The following PALM variants were observed in gnomAD, a reference collection of about 807,000 sequenced individuals.
The protein encoded by PALM is paralemmin-1.
PALM carries 18 observed loss-of-function variants against 30.7 expected under a neutral mutation model. The observed-to-expected ratio is 0.59, with a 90% CI of 0.41 to 0.87. The LOEUF is 0.87. Among genes scored for constraint, PALM ranks in the 40% least tolerant of loss-of-function variants. The pLI is 0.00. For synonymous variants in PALM, 286 were observed against 242.8 expected (o/e 1.18, Z -1.66); for missense variants, 529 against 555.4 (o/e 0.95, Z 0.48).
At chr19:715,537 C>T (rs1355626316) in intron 1 of PALM, among the ~76,000 whole-genome samples, 1 of 152,156 alleles carries the variant, frequency 6.6e-6, no homozygotes, top group Admixed American at 6.6e-5. Flanking sequence ...GAAGGATGCA[C>T]CTTGTGGAAG....
At chr19:734,026 C>G in intron 5 of PALM, 147 bp from the exon 6 acceptor site, 1 of 671,532 alleles carries the variant, frequency 1.5e-6, no homozygotes, top group Non-Finnish European at 2.6e-6. Flanking sequence ...GTGTTTCTGG[C>G]CAGAGTCCCA....
intron 6 of PALM, among the ~76,000 whole-genome samples, chr19:735,794 TGTGTCCGG>T: frequency 7.3e-6 from 1 of 136,634 alleles, no homozygotes. Context: ...CCCAGGTGCC[TGTGTCCGG>T]GTGTCTGGGT....
intron 1 of PALM, among the ~76,000 whole-genome samples, chr19:720,100 A>G (rs963457791): frequency 2.0e-5 from 3 of 151,216 alleles, no homozygotes; most frequent in Non-Finnish European, 4.4e-5. Flanking sequence ...CGCGGGGGAG[A>G]AATTCCCGAC....
At chr19:740,299 G>A in intron 7 of PALM, 53 bp from the exon 8 acceptor site, 3 of 1,502,614 alleles carry the variant, frequency 2.0e-6, no homozygotes, top group Admixed American at 4.2e-5. Context: ...CAGCCCGGCG[G>A]GGGGGTGCGG....
intron 1 of PALM, 149 bp from the exon 2 acceptor site, chr19:725,989 C>G: frequency 1.5e-6 from 1 of 683,448 alleles, no homozygotes; most frequent in Non-Finnish European, 2.6e-6. Context: ...AGGGAGGGCC[C>G]CACTTTACAG....
At chr19:727,160 CAACCCT>C in intron 3 of PALM, 72 bp downstream of exon 3, 1 of 1,009,144 alleles carries the variant, frequency 9.9e-7, no homozygotes, top group Non-Finnish European at 1.5e-6. Flanking sequence ...GACTCCTGCC[CAACCCT>C]GACCCTGACC....
chr19:712,867 G>A (rs1247811598), intron 1 of PALM, among the ~76,000 whole-genome samples: 7 of 152,178 alleles, frequency 4.6e-5, no homozygotes, highest in Non-Finnish European at 8.8e-5. Flanking sequence ...GTAGAGACAA[G>A]GTTTCGCCAT....
In PALM at chr19:727,675, C is replaced by T; in HGVS notation, c.250C>T (p.Leu84=). 6.4e-7 allele frequency: 1 copy of T among 1,562,990 alleles called. No individual in the cohort carries two copies. The highest frequency in any genetic ancestry group is 1.9e-5 in the Admixed American group (1 of 52,072). The stretch of plus-strand genomic sequence containing the variant: ...GGACGACGAGCAGAAGACACGGCTG[C>T]TGGAGGACTCGGTGTCCAGGTGGGG... ...MQDDEQKTRL[L]EDSVSRLEKE... Residue 84 remains leucine, a synonymous_variant, in exon 4 of 9, where the codon CTG becomes TTG. Transcript: ENST00000338448.
At chr19:737,890 G>C (rs958158385) in intron 7 of PALM, among the ~76,000 whole-genome samples, 1 of 152,158 alleles carries the variant, frequency 6.6e-6, no homozygotes, top group African/African-American at 2.4e-5. Flanking sequence ...GAACCATGGG[G>C]GGCTGCAGGC....
rs144128156 is a variant in PALM at position 724,910 on chromosome 19, A to G, written c.6-1228A>G. Among the ~76,000 whole-genome samples, 342 of 151,188 alleles carry G rather than the reference A, an allele frequency of 2.3e-3. 2 individuals carry two copies. The highest frequency in any genetic ancestry group is 7.7e-3 in the African/African-American group (316 of 41,212). ...AAGTGCTAAAATTACAGGCGTGAGCAGCTGTGGTTTTGCTTTTGTTTTGTT... is the reference window on the plus strand; with the variant it reads ...AAGTGCTAAAATTACAGGCGTGAGCGGCTGTGGTTTTGCTTTTGTTTTGTT... On this transcript the variant is annotated intron_variant, in intron 1 of 8. Transcript: ENST00000338448.
intron 2 of PALM, among the ~76,000 whole-genome samples, chr19:726,794 T>C (rs2032676349): frequency 6.6e-6 from 1 of 152,226 alleles, no homozygotes; most frequent in Non-Finnish European, 1.5e-5. Context: ...TGAGCCACCG[T>C]GCCCGGCCAG....
In PALM at chr19:744,701, C is replaced by T. The variant is rs572004242; in HGVS notation, c.635-1584C>T. On this transcript the variant is annotated intron_variant, in intron 8 of 8. Transcript: ENST00000338448. ...CTGAGGTCAGGAGTTCAAGACCAGC[C>T]TGGCCAACGTGGTGAAACCCCATCT... Among the ~76,000 whole-genome samples, 6 of 152,066 alleles carry T rather than the reference C, an allele frequency of 3.9e-5. No homozygotes were observed. In the East Asian group the frequency reaches 1.2e-3, roughly 30 times the overall value.
Position 746,804 on chromosome 19 carries a change from C to A in PALM, c.1154C>A (p.Ser385Tyr). 6.5e-7 allele frequency: 1 copy of A among 1,542,030 alleles called. No homozygotes were observed. The highest frequency in any genetic ancestry group is 8.7e-7 in the Non-Finnish European group (1 of 1,148,472). Reference protein sequence around the residue: ...DMKKHRCKCCSIM With the variant: ...DMKKHRCKCCYIM ...AAGAAGCACCGTTGTAAATGCTGCTCCATCATGTGAGCCGGCCCCCGAGAC... is the reference window on the plus strand; with the variant it reads ...AAGAAGCACCGTTGTAAATGCTGCTACATCATGTGAGCCGGCCCCCGAGAC... Residue 385 changes from serine to tyrosine, a missense_variant, in exon 9 of 9, where the codon TCC becomes TAC. Physicochemically the swap from Ser to Tyr is moderately radical, Grantham distance 144. Transcript: ENST00000338448. This position sits in a 1 kb window ranked among gnomAD's most constrained non-coding sequence, Gnocchi z 7.1.
At chr19:736,201 G>A (rs896938715) in intron 7 of PALM, 123 bp downstream of exon 7, 74 of 691,174 alleles carry the variant, frequency 1.1e-4, no homozygotes, top group Admixed American at 1.5e-4. Flanking sequence ...TGACGGGGCC[G>A]TGGTTATGGG....
chr19:728,378 C>T (rs572296624), intron 4 of PALM, among the ~76,000 whole-genome samples: 279 of 152,342 alleles, frequency 1.8e-3, no homozygotes, highest in African/African-American at 6.2e-3. Context: ...CCGGATCACA[C>T]GGACCTCGCA....
In PALM at chr19:746,891, C is replaced by T. The variant is rs1488309630; in HGVS notation, c.*77C>T. 1 of 798,328 alleles carries T rather than the reference C, an allele frequency of 1.3e-6. No individual in the cohort carries two copies. The highest frequency in any genetic ancestry group is 1.9e-6 in the Non-Finnish European group (1 of 513,262). 49.5% of individuals were successfully genotyped at this position (798,328 alleles called of 1,614,324 possible). A position where few individuals can be genotyped will look rare whatever the true frequency, so the allele number is the denominator to read the frequency against. On this transcript the variant is annotated 3_prime_UTR_variant, in exon 9 of 9. Coordinates refer to ENST00000338448, the MANE Select transcript of PALM (RefSeq NM_002579.3). This position sits in a 1 kb window ranked among gnomAD's most constrained non-coding sequence, Gnocchi z 7.1. The stretch of plus-strand genomic sequence containing the variant: ...CCGGCCCCTCCCGGCGCCTGCCCAC[C>T]CTCCACCCACAGCCTCACGGGTCCA...
At chr19:720,626 G>C (rs1306712018) in intron 1 of PALM, among the ~76,000 whole-genome samples, 1 of 142,414 alleles carries the variant, frequency 7.0e-6, no homozygotes, top group Non-Finnish European at 1.5e-5. Flanking sequence ...GGCGAGGGGG[G>C]CGCCCGTGAC....
rs1300157974 is a variant in PALM, at chr19:736,419, C to G, written c.502+341C>G. On this transcript the variant is annotated intron_variant, in intron 7 of 8. Coordinates refer to ENST00000338448, the MANE Select transcript of PALM (RefSeq NM_002579.3). ...GCTGGGGGTGGCGCTCACGCCTGAA[C>G]ATGCTCGCTGCAAATCTTACCTGCT... is the stretch of plus-strand genomic sequence containing the variant. 3.3e-5 allele frequency among the ~76,000 whole-genome samples: 5 copies of G among 152,158 alleles called. 1 individual carries two copies. The South Asian group carries it at 1.0e-3, about 32-fold the overall frequency.
chr19:709,902 C>CTGTG lies in PALM; in HGVS notation c.5+758_5+761dup, dbSNP rs57890977. Among the ~76,000 whole-genome samples, 1 of 146,808 alleles carries CTGTG rather than the reference C, an allele frequency of 6.8e-6. No homozygotes were observed. The highest frequency in any genetic ancestry group is 2.0e-4 in the East Asian group (1 of 5,088). ...TCCCTGGACCCCCGCATGGCTGCGC[C>CTGTG]TGTGTGTGTGGGGGGGGGGTGGCCA... On this transcript the variant is annotated intron_variant, in intron 1 of 8. Coordinates refer to ENST00000338448, the MANE Select transcript of PALM (RefSeq NM_002579.3). The surrounding 1 kb of genome is among the most constrained non-coding windows in gnomAD (Gnocchi z 4.3).
Sources: gnomAD v4.1 joint callset for allele counts (sites outside exome capture counted in the v4.1 genomes callset) on GRCh38, gnomAD v4.1.1 for gene constraint, Gnocchi (gnomAD v3.1) non-coding constraint, MANE v1.5 for transcripts, NCBI Gene and HGNC (gene_info 2026-07-23, HGNC 2026-07-21) for gene names.